ANKRD30B: variants seen among roughly 807,000 people sequenced by gnomAD.
ANKRD30B encodes the protein ankyrin repeat domain 30B, also known as ankyrin repeat domain-containing protein 30B.
ANKRD30B carries 144 observed loss-of-function variants against 202.2 expected under a neutral mutation model. The ratio of observed to expected loss-of-function variants is 0.71; its 90% confidence interval spans 0.62 to 0.82. The LOEUF (loss-of-function observed/expected upper bound fraction) is 0.82. Among genes scored for constraint, ANKRD30B ranks in the 40% least tolerant of loss-of-function variants. The probability of loss-of-function intolerance (pLI) is 0.00; values close to 1 mark genes in which losing one functional copy is unlikely to be tolerated. For synonymous variants in ANKRD30B, 508 were observed against 561.3 expected (o/e 0.91, Z 1.34); for missense variants, 1,487 against 1,669.1 (o/e 0.89, Z 1.90).
the ANKRD30B span, among the ~76,000 whole-genome samples, chr18:14,900,344 T>G: frequency 1.3e-5 from 2 of 152,212 alleles, no homozygotes; most frequent in Non-Finnish European, 2.9e-5. Flanking sequence ...GTCATGTAAC[T>G]TTTCCATCTA....
chr18:14,829,889 T>C (rs193233265), intron 33 of ANKRD30B, among the ~76,000 whole-genome samples: 33 of 152,318 alleles, frequency 2.2e-4, no homozygotes, highest in African/African-American at 7.9e-4. Flanking sequence ...CTGAATTACA[T>C]AGATCTGTGG....
intron 32 of ANKRD30B, 132 bp from the exon 33 acceptor site, chr18:14,828,146 G>A (rs1220194743): frequency 1.5e-6 from 1 of 681,682 alleles, no homozygotes; most frequent in Non-Finnish European, 2.5e-6. Flanking sequence ...CCTCTCAGAT[G>A]ATCCTCCTGC....
At chr18:14,776,276 T>TGTA (rs1598602153) in intron 9 of ANKRD30B, among the ~76,000 whole-genome samples, 1 of 152,200 alleles carries the variant, frequency 6.6e-6, no homozygotes, top group Non-Finnish European at 1.5e-5. Context: ...GGGATTATGC[T>TGTA]GTAGTAGTAG....
rs758388121 is a variant in ANKRD30B, at chr18:14,848,766, G to A, written c.3232G>A (p.Gly1078Arg). The change falls in exon 40 of 44, where the codon GGA becomes AGA. Residue 1078 changes from glycine to arginine, a missense_variant. Gly to Arg is a moderately radical substitution (Grantham distance 125). Transcript: ENST00000690538. ...GGATGCACTTCCTTCTTGTGAAAGA[G>A]GAAGGGAACTTAAAAAAGATAACTG... ...ILDALPSCER[G>R]RELKKDNCEQ... is the part of the protein sequence containing the mutation. 3 of 1,571,300 alleles carry A rather than the reference G, an allele frequency of 1.9e-6. No individual in the cohort carries two copies. The highest frequency in any genetic ancestry group is 2.7e-5 in the African/African-American group (2 of 73,404).
At position 14,791,421 on chromosome 18, in the gene ANKRD30B, A is replaced by T. The variant is rs749678352; in HGVS notation, c.1755A>T (p.Ser585=). The stretch of plus-strand genomic sequence containing the variant: ...AACAGAGTCCCTGTGAGACGGTTTC[A>T]CAGAAGGATGTGTATTTACCCAAAG... The part of the protein sequence containing the change: ...WDSESPCETV[S]QKDVYLPKAT... The change falls in exon 16 of 44, where the codon TCA becomes TCT. Residue 585 remains serine, a synonymous_variant. Coordinates refer to ENST00000690538, the MANE Select transcript of ANKRD30B (RefSeq NM_001367607.2). 1 of 1,608,872 alleles carries T rather than the reference A, an allele frequency of 6.2e-7. No individual in the cohort carries two copies. Among genetic ancestry groups the T allele is most frequent in the Non-Finnish European group, 8.5e-7 (1 of 1,178,380 alleles).
chr18:14,891,265 C>T, the ANKRD30B span, among the ~76,000 whole-genome samples: 4 of 150,810 alleles, frequency 2.7e-5, no homozygotes, highest in Non-Finnish European at 4.4e-5. Flanking sequence ...ATTTTTTTGA[C>T]TTCATTTTTG....
the ANKRD30B span, among the ~76,000 whole-genome samples, chr18:14,925,897 G>A: frequency 2.0e-5 from 3 of 152,202 alleles, no homozygotes; most frequent in Admixed American, 1.3e-4. Context: ...CGCAGCTGAA[G>A]ACCCTGGAGA....
chr18:14,929,325 G>A, the ANKRD30B span, among the ~76,000 whole-genome samples: 19 of 152,086 alleles, frequency 1.2e-4, no homozygotes, highest in Non-Finnish European at 2.4e-4. Context: ...ACACCCCTGA[G>A]AATTTTCCAT....
chr18:14,843,831 A>G (rs2143204401), intron 39 of ANKRD30B, among the ~76,000 whole-genome samples: 1 of 152,208 alleles, frequency 6.6e-6, no homozygotes, highest in African/African-American at 2.4e-5. Context: ...AATAATAATA[A>G]ATGGGAGAAG....
At chr18:14,766,114 A>G (rs1377417463) in intron 7 of ANKRD30B, among the ~76,000 whole-genome samples, 8 of 152,154 alleles carry the variant, frequency 5.3e-5, no homozygotes, top group Non-Finnish European at 1.2e-4. Context: ...TAGGGGACAG[A>G]GAAAATCTCA....
chr18:14,797,866 A>C lies in ANKRD30B; in HGVS notation c.2029+12A>C. The C allele has an allele frequency of 6.5e-7, 1 of 1,537,024 alleles. No homozygotes were observed. Among genetic ancestry groups the C allele is most frequent in the Non-Finnish European group, 8.8e-7 (1 of 1,140,558 alleles). On this transcript the variant is annotated intron_variant, in intron 20 of 43. Coordinates refer to ENST00000690538, the MANE Select transcript of ANKRD30B (RefSeq NM_001367607.2). ...AACACTCAAAGCAGGTACATTTTGT[A>C]ATTTAAATTTTAATCTGGAATTAAG...
intron 4 of ANKRD30B, among the ~76,000 whole-genome samples, chr18:14,755,955 T>A (rs1914285279): frequency 6.6e-6 from 1 of 152,196 alleles, no homozygotes; most frequent in South Asian, 2.1e-4. Context: ...TATTTCTAGT[T>A]CTAGATCCCT....
chr18:14,791,016 G>T (rs915789355), intron 15 of ANKRD30B, among the ~76,000 whole-genome samples: 6 of 152,162 alleles, frequency 3.9e-5, no homozygotes, highest in Non-Finnish European at 8.8e-5. Context: ...AAATCCATCT[G>T]GTCCTGGACT....
At chr18:14,846,689 G>A (rs1318050989) in intron 39 of ANKRD30B, among the ~76,000 whole-genome samples, 1 of 151,924 alleles carries the variant, frequency 6.6e-6, no homozygotes, top group East Asian at 1.9e-4. Context: ...CTTGTTTATT[G>A]CTGGTAATGT....
At chr18:14,890,538 A>G in the ANKRD30B span, among the ~76,000 whole-genome samples, 1 of 151,222 alleles carries the variant, frequency 6.6e-6, no homozygotes, top group Non-Finnish European at 1.5e-5. Context: ...ACTGAAGCAC[A>G]GAGAAACTAA....
At chr18:14,862,497 C>G in the ANKRD30B span, among the ~76,000 whole-genome samples, 2 of 152,190 alleles carry the variant, frequency 1.3e-5, no homozygotes, top group Non-Finnish European at 2.9e-5. Context: ...TGTGCATAAA[C>G]TAGAAAACCT....
chr18:14,763,913 T>C lies in ANKRD30B; in HGVS notation c.1048T>C (p.Phe350Leu). The change falls in exon 7 of 44, where the codon TTT becomes CTT. Residue 350 changes from phenylalanine to leucine, a missense_variant. By Grantham distance (22) the Phe-to-Leu change is conservative. This residue lies in a region of ANKRD30B where 889 missense variants were observed against 841.4 expected (regional missense o/e 1.06). Coordinates refer to ENST00000690538, the MANE Select transcript of ANKRD30B (RefSeq NM_001367607.2). ...GCCTACAAAAGAAACATCTGAGAAA[T>C]TTTCATGGCCAGCAAAAGAAAGATC... ...LRPTKETSEK[F>L]SWPAKERSRK... 1.2e-6 allele frequency: 2 copies of C among 1,611,106 alleles called. No individual in the cohort carries two copies. The highest frequency in any genetic ancestry group is 1.7e-6 in the Non-Finnish European group (2 of 1,178,600).
the ANKRD30B span, among the ~76,000 whole-genome samples, chr18:14,907,574 G>A: frequency 7.4e-4 from 112 of 152,332 alleles, 1 homozygote; most frequent in South Asian, 0.012. Flanking sequence ...GCATGGACAC[G>A]GCCTCCTCTG....
intron 3 of ANKRD30B, among the ~76,000 whole-genome samples, chr18:14,754,205 C>A (rs1271605805): frequency 3.3e-5 from 5 of 152,110 alleles, no homozygotes; most frequent in Admixed American, 3.3e-4. Context: ...CTGACATTGG[C>A]ATCTGGGATC....
Sources: gnomAD v4.1 joint callset for allele counts (sites outside exome capture counted in the v4.1 genomes callset) on GRCh38, gnomAD v4.1.1 for gene constraint, gnomAD v4.1.1 regional missense constraint, MANE v1.5 for transcripts, NCBI Gene and HGNC (gene_info 2026-07-23, HGNC 2026-07-21) for gene names.